The following GALNT13 variants were observed in gnomAD, a reference collection of about 807,000 sequenced individuals.
GALNT13 encodes polypeptide N-acetylgalactosaminyltransferase 13, also known as UDP-GalNAc:polypeptide N-acetylgalactosaminyltransferase 13.
A neutral mutation model predicts 64.2 loss-of-function variants in GALNT13; 28 were observed. The ratio of observed to expected loss-of-function variants is 0.44; its 90% CI spans 0.32 to 0.60. The LOEUF is 0.60. Ranked by LOEUF, GALNT13 falls within the 20% of genes least tolerant of loss-of-function variation. The probability of loss-of-function intolerance (pLI) is 0.05; values close to 1 mark genes in which losing one functional copy is unlikely to be tolerated. For missense variants in GALNT13, 577 were observed against 669.8 expected (o/e 0.86, Z 1.53); for synonymous variants, 214 against 224.6 (o/e 0.95, Z 0.42).
At chr2:153,394,048 T>C in the GALNT13 span, among the ~76,000 whole-genome samples, 2 of 151,842 alleles carry the variant, frequency 1.3e-5, no homozygotes, top group Non-Finnish European at 2.9e-5. Context: ...ACGTGACTTG[T>C]GTTAGCCAAT....
the GALNT13 span, among the ~76,000 whole-genome samples, chr2:153,240,280 T>A: frequency 1.3e-5 from 2 of 152,182 alleles, no homozygotes; most frequent in African/African-American, 2.4e-5. Context: ...TTAGACTGAT[T>A]TGAGTAATAA....
the GALNT13 span, among the ~76,000 whole-genome samples, chr2:153,836,277 AC>A: frequency 2.4e-4 from 36 of 152,202 alleles, no homozygotes; most frequent in African/African-American, 8.4e-4. Flanking sequence ...TATAATAGTT[AC>A]CATAATTAAG....
the GALNT13 span, among the ~76,000 whole-genome samples, chr2:153,258,949 A>T: frequency 6.6e-6 from 1 of 152,180 alleles, no homozygotes. Flanking sequence ...TGTTCTGTAA[A>T]TATTGATTAG....
At chr2:153,380,369 A>T in the GALNT13 span, among the ~76,000 whole-genome samples, 1 of 152,160 alleles carries the variant, frequency 6.6e-6, no homozygotes, top group Non-Finnish European at 1.5e-5. Context: ...ACTGTTCAGG[A>T]GGTTGAGGCA....
At chr2:153,385,474 T>A in the GALNT13 span, among the ~76,000 whole-genome samples, 1 of 151,958 alleles carries the variant, frequency 6.6e-6, no homozygotes, top group Admixed American at 6.6e-5. Context: ...ATTTGTGGAA[T>A]CTAAAAGTCA....
chr2:153,710,582 T>TTTAAAGGAGAA, the GALNT13 span, among the ~76,000 whole-genome samples: 1 of 152,076 alleles, frequency 6.6e-6, no homozygotes, highest in African/African-American at 2.4e-5. Flanking sequence ...TATATTAACC[T>TTTAAAGGAGAA]TTAAAGGAGA....
At chr2:153,701,795 A>C in the GALNT13 span, among the ~76,000 whole-genome samples, 1 of 152,212 alleles carries the variant, frequency 6.6e-6, no homozygotes, top group Non-Finnish European at 1.5e-5. Flanking sequence ...ACCTCATGCC[A>C]GTCAAAATGG....
At chr2:153,647,120 C>G in the GALNT13 span, among the ~76,000 whole-genome samples, 1 of 152,248 alleles carries the variant, frequency 6.6e-6, no homozygotes, top group Non-Finnish European at 1.5e-5. Context: ...TCCTCTCCAG[C>G]ACCTGTTGTT....
rs552103632 is a variant in GALNT13 at position 154,337,267 on chromosome 2, TAC to T, written c.1156+35680_1156+35681del. 1.2e-3 allele frequency among the ~76,000 whole-genome samples: 176 copies of T among 152,242 alleles called. 1 individual carries two copies. The highest frequency in any genetic ancestry group is 4.0e-3 in the African/African-American group (166 of 41,574). On this transcript the variant is annotated intron_variant, in intron 9 of 12. Coordinates refer to ENST00000392825, the MANE Select transcript of GALNT13 (RefSeq NM_052917.4). ...AAACTTAAAATGTGGTCTTACTGATTACAGAGTAATATATGTTCACTGTAGAA... is the reference window on the plus strand; with the variant it reads ...AAACTTAAAATGTGGTCTTACTGATTAGAGTAATATATGTTCACTGTAGAA...
chr2:153,480,721 G>A, the GALNT13 span, among the ~76,000 whole-genome samples: 1 of 152,258 alleles, frequency 6.6e-6, no homozygotes, highest in Non-Finnish European at 1.5e-5. Flanking sequence ...ATGAATGGTA[G>A]AGAAAAGTAA....
chr2:153,665,498 T>C, the GALNT13 span, among the ~76,000 whole-genome samples: 6 of 151,942 alleles, frequency 3.9e-5, no homozygotes, highest in Non-Finnish European at 1.5e-5. Flanking sequence ...CACCTCCCCC[T>C]ATCTAGCATA....
At chr2:153,626,595 T>C in the GALNT13 span, among the ~76,000 whole-genome samples, 5 of 152,112 alleles carry the variant, frequency 3.3e-5, no homozygotes, top group Non-Finnish European at 5.9e-5. Flanking sequence ...TAAATATTTG[T>C]TGAATTGAAC....
the GALNT13 span, among the ~76,000 whole-genome samples, chr2:153,643,028 A>T: frequency 6.6e-6 from 1 of 151,572 alleles, no homozygotes; most frequent in Non-Finnish European, 1.5e-5. Context: ...CACTTAATAT[A>T]ATCTGTGAGG....
chr2:153,754,818 C>G, the GALNT13 span, among the ~76,000 whole-genome samples: 1 of 152,128 alleles, frequency 6.6e-6, no homozygotes. Flanking sequence ...CGGAGGAGAG[C>G]TTTAGCCCAC....
At chr2:153,807,429 G>A in the GALNT13 span, among the ~76,000 whole-genome samples, 4 of 151,632 alleles carry the variant, frequency 2.6e-5, no homozygotes, top group South Asian at 8.3e-4. Context: ...CTTTTGAATG[G>A]CCATATGATA....
intron 3 of GALNT13, among the ~76,000 whole-genome samples, chr2:154,091,995 C>G (rs1480931372): frequency 6.7e-6 from 1 of 149,586 alleles, no homozygotes; most frequent in Admixed American, 6.7e-5. Context: ...TAGGCAAAAG[C>G]CCCATCTGGC....
chr2:153,827,493 T>C, the GALNT13 span, among the ~76,000 whole-genome samples: 1 of 152,014 alleles, frequency 6.6e-6, no homozygotes, highest in African/African-American at 2.4e-5. Context: ...GTCGTGGTTG[T>C]GGACACCTGT....
chr2:153,333,611 A>G, the GALNT13 span, among the ~76,000 whole-genome samples: 1 of 152,288 alleles, frequency 6.6e-6, no homozygotes, highest in East Asian at 1.9e-4. Context: ...TAAACTCATG[A>G]TCTGTGCCGT....
the GALNT13 span, among the ~76,000 whole-genome samples, chr2:153,364,262 C>G: frequency 1.3e-5 from 2 of 152,024 alleles, no homozygotes; most frequent in African/African-American, 4.8e-5. Flanking sequence ...CTGTTTATGA[C>G]AAATCCACAG....
Sources: gnomAD v4.1 joint callset for allele counts (sites outside exome capture counted in the v4.1 genomes callset) on GRCh38, gnomAD v4.1.1 for gene constraint, MANE v1.5 for transcripts, NCBI Gene and HGNC (gene_info 2026-07-23, HGNC 2026-07-21) for gene names.